Variants in ECPAS observed in about 807,000 individuals in gnomAD.
The protein encoded by ECPAS is Ecm29 proteasome adaptor and scaffold.
A neutral mutation model predicts 255.1 loss-of-function variants in ECPAS; 70 were observed. The ratio of observed to expected loss-of-function variants is 0.27; its 90% CI spans 0.23 to 0.33. The LOEUF is 0.33. ECPAS is among the 10% of genes least tolerant of loss of function. ECPAS has a pLI of 1.00. For missense variants in ECPAS, 1,817 were observed against 2,206.4 expected, an observed-to-expected ratio of 0.82 and a Z score of 3.54; for synonymous variants, 784 against 775.0, an observed-to-expected ratio of 1.01 and a Z score of -0.19.
Position 111,378,675 on chromosome 9 carries a change from C to T in ECPAS, c.3859G>A (p.Ala1287Thr). 1 of 1,613,796 alleles carries T rather than the reference C, an allele frequency of 6.2e-7. No individual in the cohort carries two copies. The highest frequency in any genetic ancestry group is 1.3e-5 in the African/African-American group (1 of 75,056). The change falls in exon 36 of 50, where the codon GCA becomes ACA. Residue 1287 changes from alanine to threonine, a missense_variant. This residue lies in a region of ECPAS where 960 missense variants were observed against 1,179.0 expected (regional missense o/e 0.81). Transcript: ENST00000684092. ...KSAGAMLKPH[A>T]PKLIPALLES... ...AGCAGAGCTGGAATGAGTTTTGGTG[C>T]ATGCGGTTTCAACATGGCTCCTGCA...
At chr9:111,428,942 T>C (rs2098225767) in intron 9 of ECPAS, among the ~76,000 whole-genome samples, 1 of 152,160 alleles carries the variant, frequency 6.6e-6, no homozygotes, top group Admixed American at 6.5e-5. Flanking sequence ...ATACATACAT[T>C]TTTTTTCACA....
chr9:111,401,176 T>TA, intron 24 of ECPAS, among the ~76,000 whole-genome samples: 1 of 152,348 alleles, frequency 6.6e-6, no homozygotes. Flanking sequence ...CCAGCAAAGC[T>TA]ATCCTTCAAA....
At position 111,406,057 on chromosome 9, in the gene ECPAS, G is replaced by A. The variant is rs1238925094; in HGVS notation, c.2652+2514C>T. ...AGAAAGAAAATCTGTATTCTGAAGA[G>A]GTATTTGTGCTCCAATGTTTACTGC... is the stretch of plus-strand genomic sequence containing the variant. On this transcript the variant is annotated intron_variant, in intron 24 of 49. Transcript: ENST00000684092. Among the ~76,000 whole-genome samples, 4 of 149,796 alleles carry A rather than the reference G, an allele frequency of 2.7e-5. 1 individual carries two copies. Among genetic ancestry groups the A allele is most frequent in the Admixed American group, 2.6e-4 (4 of 15,172 alleles).
At chr9:111,477,931 C>T (rs1339908484) in intron 1 of ECPAS, among the ~76,000 whole-genome samples, 4 of 146,820 alleles carry the variant, frequency 2.7e-5, no homozygotes, top group South Asian at 2.2e-4. Flanking sequence ...AACAAGGTCT[C>T]GCTTTGTCAC....
chr9:111,452,708 C>T (rs2098261925), intron 2 of ECPAS, among the ~76,000 whole-genome samples: 1 of 152,048 alleles, frequency 6.6e-6, no homozygotes, highest in Non-Finnish European at 1.5e-5. Context: ...ATGACAGAGA[C>T]GTAGATAGAT....
At chr9:111,450,067 A>G (rs546707306) in intron 3 of ECPAS, among the ~76,000 whole-genome samples, 2 of 152,160 alleles carry the variant, frequency 1.3e-5, no homozygotes, top group African/African-American at 4.8e-5. Context: ...ATGTATCACA[A>G]ATTTCAACTA....
At position 111,436,871 on chromosome 9, in the gene ECPAS, C is replaced by T. The variant is rs562394795; in HGVS notation, c.708+69G>A. 164 of 1,308,248 alleles carry T rather than the reference C, an allele frequency of 1.3e-4. No individual in the cohort carries two copies. In the African/African-American group the frequency reaches 2.0e-3, roughly 16 times the overall value. The allele number at this position is 1,308,248 out of a possible 1,614,324, so 81.0% of individuals were successfully genotyped here. A position where few individuals can be genotyped will look rare whatever the true frequency, so the allele number is the denominator to read the frequency against. On this transcript the variant is annotated intron_variant, in intron 7 of 49. Coordinates refer to ENST00000684092, the MANE Select transcript of ECPAS (RefSeq NM_001364929.1). ...GAATATACTAGAATTATGTTTTATA[C>T]GGTTCATGAACTTCATAGGGGAAAG... is the stretch of plus-strand genomic sequence containing the variant.
At chr9:111,374,567 T>A (rs900124826) in intron 38 of ECPAS, among the ~76,000 whole-genome samples, 1 of 152,258 alleles carries the variant, frequency 6.6e-6, no homozygotes, top group Non-Finnish European at 1.5e-5. Context: ...GTTATCTCTG[T>A]ATGGCAAAAT....
Position 111,366,305 on chromosome 9 carries a change from GTTC to G in ECPAS, c.5239_5241del (p.Glu1747del), listed in dbSNP as rs1364837459. ...TCAGCCAAAGCCTCAGGATCGGCAT[GTTC>G]TTCTTCCAAAAGCATTAACCTATAC... On this transcript the variant is annotated inframe_deletion, in exon 48 of 50. Coordinates refer to ENST00000684092, the MANE Select transcript of ECPAS (RefSeq NM_001364929.1). 5 of 1,576,392 alleles carry G rather than the reference GTTC, an allele frequency of 3.2e-6. No homozygotes were observed. The highest frequency in any genetic ancestry group is 4.3e-6 in the Non-Finnish European group (5 of 1,159,496).
At chr9:111,479,934 G>A (rs966716639) in intron 1 of ECPAS, among the ~76,000 whole-genome samples, 32 of 148,888 alleles carry the variant, frequency 2.1e-4, no homozygotes, top group African/African-American at 8.0e-4. Flanking sequence ...AGCCGAGATC[G>A]CGCGCCACTG....
At chr9:111,476,862 A>G (rs1169425237) in intron 1 of ECPAS, among the ~76,000 whole-genome samples, 2 of 151,948 alleles carry the variant, frequency 1.3e-5, no homozygotes, top group African/African-American at 2.4e-5. Flanking sequence ...AGGGTTTCAC[A>G]ATGTTGGCCA....
At chr9:111,420,232 C>T in intron 15 of ECPAS, 112 bp from the exon 16 acceptor site, 2 of 648,948 alleles carry the variant, frequency 3.1e-6, no homozygotes, top group East Asian at 2.8e-5. Context: ...GTAAACAATT[C>T]AAAATTCTAA....
At chr9:111,471,433 A>G (rs1052526720) in intron 2 of ECPAS, among the ~76,000 whole-genome samples, 6 of 152,212 alleles carry the variant, frequency 3.9e-5, no homozygotes, top group African/African-American at 7.2e-5. Context: ...ACCTAAATGA[A>G]TAAGACATTT....
Position 111,392,784 on chromosome 9 carries a change from G to C in ECPAS, c.3076C>G (p.Leu1026Val), listed in dbSNP as rs1245734562. ...QELVSTLVET[L>V]MTGKRVKHEV... ...TCACCATACCTTTTGCCAGTCATAAGTGTTTCCACAAGTGTAGAAACCAAT... is the reference window on the plus strand; with the variant it reads ...TCACCATACCTTTTGCCAGTCATAACTGTTTCCACAAGTGTAGAAACCAAT... Residue 1026 changes from leucine to valine, a missense_variant, in exon 28 of 50, where the codon CTT becomes GTT. Leu to Val is a conservative substitution (Grantham distance 32). Around this residue, in one of 4 missense-constraint regions of ECPAS, gnomAD observed 960 missense variants for 1,179.0 expected, o/e 0.81. Transcript: ENST00000684092. The C allele has an allele frequency of 6.2e-7, 1 of 1,611,970 alleles. No homozygotes were observed. The highest frequency in any genetic ancestry group is 8.5e-7 in the Non-Finnish European group (1 of 1,178,570).
chr9:111,440,069 C>T (rs1482270084), intron 6 of ECPAS, among the ~76,000 whole-genome samples: 1 of 151,684 alleles, frequency 6.6e-6, no homozygotes, highest in Admixed American at 6.6e-5. Flanking sequence ...CGCTCTGTTA[C>T]CCAGGCTGGT....
At chr9:111,467,486 G>C (rs941213997) in intron 2 of ECPAS, among the ~76,000 whole-genome samples, 2 of 152,122 alleles carry the variant, frequency 1.3e-5, no homozygotes, top group Non-Finnish European at 2.9e-5. Context: ...GAATTTCTGA[G>C]TGACAGGTTT....
intron 9 of ECPAS, among the ~76,000 whole-genome samples, chr9:111,428,620 C>G (rs1026908309): frequency 6.6e-6 from 1 of 151,996 alleles, no homozygotes; most frequent in South Asian, 2.1e-4. Flanking sequence ...CTCGCTTGCA[C>G]AGATATGTGT....
chr9:111,411,968 T>G, intron 21 of ECPAS, 46 bp downstream of exon 21: 1 of 1,462,888 alleles, frequency 6.8e-7, no homozygotes, highest in Non-Finnish European at 9.0e-7. Flanking sequence ...GATCCTTTTA[T>G]AAAACCCTAT....
intron 2 of ECPAS, among the ~76,000 whole-genome samples, chr9:111,454,753 G>A (rs1227686938): frequency 6.6e-6 from 1 of 151,136 alleles, no homozygotes; most frequent in African/African-American, 2.4e-5. Flanking sequence ...CTGACACCCA[G>A]GCTAGAGTGC....
Sources: gnomAD v4.1 joint callset for allele counts (sites outside exome capture counted in the v4.1 genomes callset) on GRCh38, gnomAD v4.1.1 for gene constraint, gnomAD v4.1.1 regional missense constraint, MANE v1.5 for transcripts, NCBI Gene and HGNC (gene_info 2026-07-23, HGNC 2026-07-21) for gene names.